Variants in DPP4 observed in about 807,000 individuals in gnomAD.
DPP4 encodes ADCP-2.
In DPP4, 93 loss-of-function variants were observed where a neutral mutation model predicts 122.4. That is an observed-to-expected ratio of 0.76 (90% CI 0.64 to 0.90). The LOEUF (loss-of-function observed/expected upper bound fraction) is 0.90. Among genes scored for constraint, DPP4 ranks in the 40% least tolerant of loss-of-function variants. The probability of loss-of-function intolerance (pLI) is 0.00; values close to 1 mark genes in which losing one functional copy is unlikely to be tolerated. For synonymous variants in DPP4, 321 were observed against 302.9 expected, an observed-to-expected ratio of 1.06 and a Z score of -0.62; for missense variants, 914 against 907.3, an observed-to-expected ratio of 1.01 and a Z score of -0.09.
At chr2:162,005,250 G>A (rs1701254976) in intron 23 of DPP4, among the ~76,000 whole-genome samples, 1 of 152,104 alleles carries the variant, frequency 6.6e-6, no homozygotes, top group Admixed American at 6.5e-5. Flanking sequence ...TAGGTTTAGG[G>A]CTTTTTAAGG....
At chr2:162,025,732 C>G (rs761353723) in intron 10 of DPP4, among the ~76,000 whole-genome samples, 30 of 152,302 alleles carry the variant, frequency 2.0e-4, no homozygotes, top group Admixed American at 1.4e-3. Context: ...TCCTCCTCCC[C>G]GATTGTGGTT....
intron 10 of DPP4, 85 bp from the exon 11 acceptor site, chr2:162,025,024 A>C: frequency 2.1e-6 from 3 of 1,445,226 alleles, no homozygotes; most frequent in Non-Finnish European, 1.9e-6. Context: ...CATTTTACTC[A>C]GTGAAAAGAA....
At chr2:162,060,978 TTCCCTCCCTCCC>T (rs1211725268) in intron 2 of DPP4, among the ~76,000 whole-genome samples, 5 of 115,926 alleles carry the variant, frequency 4.3e-5, no homozygotes, top group Admixed American at 8.5e-5. Flanking sequence ...GCTTCCTTCC[TTCCCTCCCTCCC>T]TCCCTCCCTC....
chr2:162,003,854 ATAAC>A (rs1701214897), intron 23 of DPP4, among the ~76,000 whole-genome samples: 1 of 152,234 alleles, frequency 6.6e-6, no homozygotes, highest in African/African-American at 2.4e-5. Context: ...TACACCTTGA[ATAAC>A]TAACAGTACT....
intron 2 of DPP4, among the ~76,000 whole-genome samples, chr2:162,070,840 A>T (rs1685089539): frequency 6.6e-6 from 1 of 152,204 alleles, no homozygotes; most frequent in African/African-American, 2.4e-5. Context: ...ATACATACAT[A>T]CAAGTTAAGA....
At chr2:162,039,248 G>A (rs1683902678) in intron 5 of DPP4, 64 bp from the exon 6 acceptor site, 1 of 1,321,138 alleles carries the variant, frequency 7.6e-7, no homozygotes, top group East Asian at 2.3e-5. Flanking sequence ...CTCACTATAG[G>A]AGACCAAGAT....
rs138320647 is a variant in DPP4, at chr2:162,033,862, G to GTATATATATATATATATA, written c.775-227_775-210dup. ...ATGGTCAGGCAGAAACAGAATATGTGTATATATATATATATATATATATAT... is the reference window on the plus strand; with the variant it reads ...ATGGTCAGGCAGAAACAGAATATGTGTATATATATATATATATATATATATATATATATATATATATAT... On this transcript the variant is annotated intron_variant, in intron 9 of 25. Coordinates refer to ENST00000360534, the MANE Select transcript of DPP4 (RefSeq NM_001935.4). 8.8e-4 allele frequency among the ~76,000 whole-genome samples: 92 copies of GTATATATATATATATATA among 104,024 alleles called. 1 individual carries two copies. Among genetic ancestry groups the GTATATATATATATATATA allele is most frequent in the East Asian group, 1.4e-3 (3 of 2,096 alleles). The allele number at this position is 104,024 out of a possible 152,430, so 68.2% of individuals were successfully genotyped here.
At chr2:162,014,313 G>A in intron 19 of DPP4, 83 bp downstream of exon 19, 5 of 1,111,194 alleles carry the variant, frequency 4.5e-6, no homozygotes, top group Non-Finnish European at 6.7e-6. Flanking sequence ...GGACGCATTT[G>A]GCTCCATTTT....
intron 8 of DPP4, 150 bp from the exon 9 acceptor site, chr2:162,035,474 A>G: frequency 1.6e-6 from 1 of 636,004 alleles, no homozygotes; most frequent in Non-Finnish European, 2.7e-6. Flanking sequence ...AATCAGAGTA[A>G]TACAAATGAA....
At chr2:162,002,968 T>A (rs1179656306) in intron 23 of DPP4, among the ~76,000 whole-genome samples, 1 of 152,178 alleles carries the variant, frequency 6.6e-6, no homozygotes, top group Non-Finnish European at 1.5e-5. Flanking sequence ...AGTTAGTGCA[T>A]TTGCCTCACT....
At chr2:162,064,987 G>A (rs188956026) in intron 2 of DPP4, among the ~76,000 whole-genome samples, 98 of 152,280 alleles carry the variant, frequency 6.4e-4, no homozygotes, top group African/African-American at 2.2e-3. Context: ...CCAAATACAC[G>A]ATATGCCTAC....
At chr2:162,022,855 T>C in intron 11 of DPP4, 56 bp from the exon 12 acceptor site, 2 of 1,563,550 alleles carry the variant, frequency 1.3e-6, no homozygotes, top group South Asian at 1.1e-5. Flanking sequence ...ATGAAATCTA[T>C]AGCCATAATT....
intron 5 of DPP4, among the ~76,000 whole-genome samples, chr2:162,039,465 C>G (rs1669382759): frequency 6.6e-6 from 1 of 152,076 alleles, no homozygotes; most frequent in African/African-American, 2.4e-5. Flanking sequence ...ATCCCTAGCA[C>G]TCACCATAGT....
At chr2:162,065,435 G>A (rs778336447) in intron 2 of DPP4, among the ~76,000 whole-genome samples, 1 of 152,188 alleles carries the variant, frequency 6.6e-6, no homozygotes, top group Admixed American at 6.5e-5. Flanking sequence ...TGTTCTTGAT[G>A]TGTTCAGGCC....
chr2:162,064,825 T>C (rs1684896114), intron 2 of DPP4, among the ~76,000 whole-genome samples: 1 of 152,200 alleles, frequency 6.6e-6, no homozygotes, highest in African/African-American at 2.4e-5. Context: ...CAAAGCACAC[T>C]GATTTGCAAT....
Position 162,003,183 on chromosome 2 carries a change from G to A in DPP4, c.2052+2562C>T, listed in dbSNP as rs898745740. Among the ~76,000 whole-genome samples, 7 of 152,268 alleles carry A rather than the reference G, an allele frequency of 4.6e-5. No individual in the cohort carries two copies. In the South Asian group the frequency reaches 1.2e-3, roughly 27 times the overall value. On this transcript the variant is annotated intron_variant, in intron 23 of 25. Coordinates refer to ENST00000360534, the MANE Select transcript of DPP4 (RefSeq NM_001935.4). Reference sequence around the variant, plus strand: ...CAGTGAAGTGAAAGAGTGACTTTGTGCACCCAGTGTGCGTGTGTTGCCATT... The same window carrying A: ...CAGTGAAGTGAAAGAGTGACTTTGTACACCCAGTGTGCGTGTGTTGCCATT...
At chr2:162,070,044 G>A (rs1685063869) in intron 2 of DPP4, among the ~76,000 whole-genome samples, 1 of 152,100 alleles carries the variant, frequency 6.6e-6, no homozygotes, top group African/African-American at 2.4e-5. Context: ...CATAAATGCT[G>A]CATGTGAATT....
At chr2:162,050,312 T>C (rs1559722343) in intron 2 of DPP4, among the ~76,000 whole-genome samples, 1 of 152,226 alleles carries the variant, frequency 6.6e-6, no homozygotes, top group Non-Finnish European at 1.5e-5. Flanking sequence ...TATAGATGGT[T>C]ATTTGAAATA....
chr2:162,045,348 ATT>A (rs1267364439), intron 5 of DPP4, among the ~76,000 whole-genome samples, 182 bp downstream of exon 5: 1 of 152,164 alleles, frequency 6.6e-6, no homozygotes, highest in Non-Finnish European at 1.5e-5. Context: ...CTAAAAATGA[ATT>A]TCTTTTAAAA....
Sources: gnomAD v4.1 joint callset for allele counts (sites outside exome capture counted in the v4.1 genomes callset) on GRCh38, gnomAD v4.1.1 for gene constraint, MANE v1.5 for transcripts, NCBI Gene and HGNC (gene_info 2026-07-23, HGNC 2026-07-21) for gene names.